The following DYNLT5 variants were observed in gnomAD, a reference collection of about 807,000 sequenced individuals.
DYNLT5 encodes the protein dynein light chain Tctex-type family member 5, also known as dynein light chain Tctex-type 5.
Under a neutral mutation model 19.3 loss-of-function variants are expected in DYNLT5, and 25 were observed. That is an observed-to-expected ratio of 1.30 (90% CI 0.95 to 1.81). DYNLT5 has a LOEUF of 1.81. Among genes scored for constraint, DYNLT5 ranks in the 40% most tolerant of loss-of-function variants. The pLI is 0.00. For missense variants in DYNLT5, 232 were observed against 217.9 expected, an observed-to-expected ratio of 1.06 and a Z score of -0.41; for synonymous variants, 82 against 68.9, an observed-to-expected ratio of 1.19 and a Z score of -0.94.
At chr1:66,767,505 A>T (rs1233071487) in intron 2 of DYNLT5, among the ~76,000 whole-genome samples, 1 of 152,128 alleles carries the variant, frequency 6.6e-6, no homozygotes, top group East Asian at 1.9e-4. Flanking sequence ...TGGTCTGCCC[A>T]CTTCGGCCTC....
At chr1:66,758,393 A>C (rs111833970) in intron 2 of DYNLT5, among the ~76,000 whole-genome samples, 3 of 151,746 alleles carry the variant, frequency 2.0e-5, no homozygotes, top group African/African-American at 7.3e-5. Flanking sequence ...ATGTGACATG[A>C]TGTCTAGGCT....
intron 2 of DYNLT5, among the ~76,000 whole-genome samples, chr1:66,765,484 A>C (rs1323603625): frequency 6.6e-6 from 1 of 152,192 alleles, no homozygotes; most frequent in African/African-American, 2.4e-5. Context: ...AACTGAAATT[A>C]TTGTTACCAT....
At chr1:66,773,649 A>C (rs1226677639) in intron 3 of DYNLT5, among the ~76,000 whole-genome samples, 1 of 148,402 alleles carries the variant, frequency 6.7e-6, no homozygotes, top group Non-Finnish European at 1.5e-5. Flanking sequence ...TTTAATTCTA[A>C]CAAAAAAAAA....
At chr1:66,776,960 C>T (rs950069366) in intron 4 of DYNLT5, among the ~76,000 whole-genome samples, 1 of 152,148 alleles carries the variant, frequency 6.6e-6, no homozygotes, top group African/African-American at 2.4e-5. Flanking sequence ...GCCATCTTAA[C>T]ATAAATTTTC....
chr1:66,775,904 G>A (rs1213967832), intron 3 of DYNLT5, among the ~76,000 whole-genome samples: 1 of 152,110 alleles, frequency 6.6e-6, no homozygotes, highest in African/African-American at 2.4e-5. Context: ...CCTCGCTAAG[G>A]GGAATGTCAT....
chr1:66,776,197 C>T, intron 3 of DYNLT5, 82 bp from the exon 4 acceptor site: 2 of 1,502,682 alleles, frequency 1.3e-6, no homozygotes, highest in Non-Finnish European at 1.8e-6. Flanking sequence ...TCCATGTTTC[C>T]ATACTCTTTT....
intron 2 of DYNLT5, among the ~76,000 whole-genome samples, chr1:66,766,593 A>G (rs1478647922): frequency 1.3e-5 from 2 of 152,156 alleles, no homozygotes; most frequent in Admixed American, 1.3e-4. Context: ...GTTTAATGCT[A>G]TTTGCCCATA....
intron 2 of DYNLT5, among the ~76,000 whole-genome samples, chr1:66,766,912 A>G (rs1353406495): frequency 6.6e-6 from 1 of 152,166 alleles, no homozygotes; most frequent in Non-Finnish European, 1.5e-5. Flanking sequence ...ACATGTCCTC[A>G]CTTATCAGTG....
intron 3 of DYNLT5, among the ~76,000 whole-genome samples, chr1:66,773,486 A>G (rs1300697468): frequency 2.0e-5 from 3 of 152,138 alleles, no homozygotes; most frequent in East Asian, 1.9e-4. Context: ...GTCCTCTTTC[A>G]TCTTGCTGCC....
At chr1:66,759,091 G>A (rs1315869548) in intron 2 of DYNLT5, among the ~76,000 whole-genome samples, 1 of 152,114 alleles carries the variant, frequency 6.6e-6, no homozygotes, top group Admixed American at 6.6e-5. Context: ...ATATTGTATT[G>A]TCATTTTAGG....
In DYNLT5 at chr1:66,776,286, C is replaced by G; in HGVS notation, c.219C>G (p.Pro73=). Residue 73 remains proline, a synonymous_variant, in exon 4 of 5, where the codon CCC becomes CCG. Coordinates refer to ENST00000282670, the MANE Select transcript of DYNLT5 (RefSeq NM_152665.3). ...TTTTATGTGTATTTTCAGGTCCTCC[C>G]AAACATTTTCCTGTGGTCACCGTCA... is the stretch of plus-strand genomic sequence containing the variant. ...QMENTYQLGP[P]KHFPVVTVNH... The G allele has an allele frequency of 6.2e-7, 1 of 1,611,686 alleles. No individual in the cohort carries two copies. Among genetic ancestry groups the G allele is most frequent in the Non-Finnish European group, 8.5e-7 (1 of 1,179,068 alleles).
chr1:66,765,395 T>A (rs929455235), intron 2 of DYNLT5, among the ~76,000 whole-genome samples: 1 of 152,156 alleles, frequency 6.6e-6, no homozygotes, highest in African/African-American at 2.4e-5. Context: ...TCAAAACATC[T>A]AGGTATAATA....
chr1:66,757,472 A>G (rs140739867), intron 2 of DYNLT5, among the ~76,000 whole-genome samples: 265 of 152,274 alleles, frequency 1.7e-3, no homozygotes, highest in African/African-American at 5.8e-3. Context: ...CTTAAGCTGG[A>G]TCTTATTATC....
chr1:66,764,306 C>T (rs971487330), intron 2 of DYNLT5, among the ~76,000 whole-genome samples: 1 of 152,234 alleles, frequency 6.6e-6, no homozygotes, highest in Non-Finnish European at 1.5e-5. Context: ...GCCTTCCTCA[C>T]CACACTTGGT....
chr1:66,770,626 G>A (rs935581857), intron 3 of DYNLT5, 148 bp downstream of exon 3: 1 of 746,174 alleles, frequency 1.3e-6, no homozygotes, highest in East Asian at 2.6e-5. Context: ...TGTTGCTTTA[G>A]TTTCTTCCTC....
At chr1:66,754,578 T>G in intron 1 of DYNLT5, 78 bp from the exon 2 acceptor site, 2,618 of 1,383,334 alleles carry the variant, frequency 1.9e-3, no homozygotes, top group Non-Finnish European at 2.2e-3. Flanking sequence ...CTGTGTACTT[T>G]GAGATTAGTC....
intron 2 of DYNLT5, 50 bp downstream of exon 2, chr1:66,754,827 G>A (rs370714791): frequency 1.6e-5 from 25 of 1,553,422 alleles, no homozygotes; most frequent in East Asian, 2.3e-5. Flanking sequence ...AAATAGGTTC[G>A]TAATGTTTAT....
In DYNLT5 at chr1:66,776,651, G is replaced by T. The variant is rs577650474; in HGVS notation, c.336+248G>T. Among the ~76,000 whole-genome samples the T allele has an allele frequency of 9.9e-5, 15 of 151,996 alleles. No homozygotes were observed. In the South Asian group the frequency reaches 2.5e-3, roughly 25 times the overall value. On this transcript the variant is annotated intron_variant, in intron 4 of 4. Transcript: ENST00000282670. ...GCATTATGTAAAAGTGTATAAAACT[G>T]CCCCATTTATAAAAGTGTTTATTGT...
At chr1:66,765,640 CTTTTTTT>C (rs11399958) in intron 2 of DYNLT5, among the ~76,000 whole-genome samples, 2 of 138,754 alleles carry the variant, frequency 1.4e-5, no homozygotes, top group South Asian at 4.5e-4. Flanking sequence ...TTTTCTTTTT[CTTTTTTT>C]TTTTTTTTGA....
Sources: allele counts gnomAD v4.1 joint callset (sites outside exome capture counted in the v4.1 genomes callset), GRCh38; gene constraint gnomAD v4.1.1; transcripts MANE v1.5; gene names NCBI Gene and HGNC (gene_info 2026-07-23, HGNC 2026-07-21).